Variants in ACVR1C observed in about 807,000 individuals in gnomAD.
ACVR1C encodes the protein activin A receptor type 1C.
A neutral mutation model predicts 57.9 loss-of-function variants in ACVR1C; 23 were observed. That is an observed-to-expected ratio of 0.40 (90% CI 0.29 to 0.56). ACVR1C has a LOEUF of 0.56. ACVR1C is among the 20% of genes least tolerant of loss of function. The pLI, the probability that ACVR1C is intolerant of heterozygous loss-of-function variation, is 0.50. For synonymous variants in ACVR1C, 214 were observed against 215.3 expected, an observed-to-expected ratio of 0.99 and a Z score of 0.05; for missense variants, 480 against 607.9, an observed-to-expected ratio of 0.79 and a Z score of 2.21.
chr2:157,616,508 G>A (rs1160424266), intron 1 of ACVR1C, among the ~76,000 whole-genome samples: 1 of 151,854 alleles, frequency 6.6e-6, no homozygotes, highest in African/African-American at 2.4e-5. Context: ...TAAATTCCTT[G>A]CCTAATAGCT....
rs1321628348 is a variant in ACVR1C at position 157,554,310 on chromosome 2, GAAAAGA to G, written c.544+1777_544+1782del. 2.0e-4 allele frequency among the ~76,000 whole-genome samples: 21 copies of G among 105,368 alleles called. No individual in the cohort carries two copies. The South Asian group carries it at 4.8e-3, about 24-fold the overall frequency. The allele number at this position is 105,368 out of a possible 152,430, so 69.1% of individuals were successfully genotyped here. On this transcript the variant is annotated intron_variant, in intron 3 of 8. Coordinates refer to ENST00000243349, the MANE Select transcript of ACVR1C (RefSeq NM_145259.3). ...GAGAGAGAGAGAGAAAGAAAGAAAGGAAAAGAAAAAGAAAAAGAAAGAGAAAGAGAG... is the reference window on the plus strand; with the variant it reads ...GAGAGAGAGAGAGAAAGAAAGAAAGGAAAAGAAAAAGAAAGAGAAAGAGAG...
At chr2:157,628,529 G>C (rs1384333641) in intron 1 of ACVR1C, 43 bp downstream of exon 1, 1 of 1,587,600 alleles carries the variant, frequency 6.3e-7, no homozygotes. Context: ...CCTCCTCCCA[G>C]CTCCCACCCT....
intron 2 of ACVR1C, among the ~76,000 whole-genome samples, chr2:157,573,854 A>C (rs1280200235): frequency 6.6e-6 from 1 of 152,226 alleles, no homozygotes; most frequent in Non-Finnish European, 1.5e-5. Flanking sequence ...TCCTTCACAT[A>C]GGAAAAAAAT....
rs183402275 is a variant in ACVR1C, at chr2:157,528,071, T to C, written c.*5847A>G. The C allele has an allele frequency of 6.6e-6, 1 of 152,228 alleles. No homozygotes were observed. Among genetic ancestry groups the C allele is most frequent in the Non-Finnish European group, 1.5e-5 (1 of 68,038 alleles). 9.4% of individuals were successfully genotyped at this position (152,228 alleles called of 1,614,324 possible). On this transcript the variant is annotated 3_prime_UTR_variant, in exon 9 of 9. Coordinates refer to ENST00000243349, the MANE Select transcript of ACVR1C (RefSeq NM_145259.3). ...TGTAGATGTCAAGAATTATTTTGAC[T>C]TTTTAATTCTCATTTTCTGAAGATG...
At chr2:157,557,049 G>T (rs2105226178) in intron 2 of ACVR1C, among the ~76,000 whole-genome samples, 1 of 152,184 alleles carries the variant, frequency 6.6e-6, no homozygotes, top group East Asian at 1.9e-4. Context: ...TGCTATTCCA[G>T]GTACTGGAGA....
At chr2:157,613,529 A>G (rs1003016200) in intron 1 of ACVR1C, among the ~76,000 whole-genome samples, 1 of 152,188 alleles carries the variant, frequency 6.6e-6, no homozygotes, top group Non-Finnish European at 1.5e-5. Flanking sequence ...GGCCAACTGT[A>G]TAGGATTCCA....
rs1242538496 is a variant in ACVR1C at position 157,583,059 on chromosome 2, C to T, written c.304+4128G>A. On this transcript the variant is annotated intron_variant, in intron 2 of 8. Transcript: ENST00000243349. ...AATTTTTAGTAGAAATGGGGTTTCA[C>T]CATGTTGGCCAGGCTGGTCTCATAC... Among the ~76,000 whole-genome samples the T allele has an allele frequency of 4.6e-5, 7 of 152,046 alleles. 1 individual carries two copies. In the Middle Eastern group the frequency reaches 0.01, roughly 222 times the overall value.
At chr2:157,555,812 A>G (rs1429566342) in intron 3 of ACVR1C, among the ~76,000 whole-genome samples, 1 of 152,204 alleles carries the variant, frequency 6.6e-6, no homozygotes, top group Non-Finnish European at 1.5e-5. Flanking sequence ...GGAGGAGAGA[A>G]GGGAAATTGC....
chr2:157,623,645 G>A (rs1006100390), intron 1 of ACVR1C, among the ~76,000 whole-genome samples: 1 of 152,016 alleles, frequency 6.6e-6, no homozygotes, highest in African/African-American at 2.4e-5. Context: ...TGGTTAATGG[G>A]TACAAAAATA....
intron 3 of ACVR1C, among the ~76,000 whole-genome samples, chr2:157,554,268 A>AAAGAAAGGAAGGAAGGAAGG (rs1261113225): frequency 8.8e-6 from 1 of 113,562 alleles, no homozygotes; most frequent in African/African-American, 5.2e-5. Flanking sequence ...AGAAAGAAAG[A>AAAGAAAGGAAGGAAGGAAGG]AAGGAAGGAA....
chr2:157,579,881 C>G lies in ACVR1C; in HGVS notation c.304+7306G>C, dbSNP rs138271712. On this transcript the variant is annotated intron_variant, in intron 2 of 8. Coordinates refer to ENST00000243349, the MANE Select transcript of ACVR1C (RefSeq NM_145259.3). ...ATACATTTTTTTAACTTTTGCCCAT[C>G]TAATAGGTGGGAAAAATGGAATACC... Among the ~76,000 whole-genome samples, 34 of 152,204 alleles carry G rather than the reference C, an allele frequency of 2.2e-4. 1 individual carries two copies. Among genetic ancestry groups the G allele is most frequent in the African/African-American group, 7.0e-4 (29 of 41,540 alleles).
chr2:157,557,620 A>C (rs1234495542), intron 2 of ACVR1C, among the ~76,000 whole-genome samples: 3 of 152,214 alleles, frequency 2.0e-5, no homozygotes, highest in African/African-American at 7.2e-5. Flanking sequence ...ATGATGCCTG[A>C]CACATAGTAG....
chr2:157,569,608 T>C (rs1688475917), intron 2 of ACVR1C, among the ~76,000 whole-genome samples: 1 of 35,204 alleles, frequency 2.8e-5, no homozygotes, highest in African/African-American at 1.4e-4. Context: ...AACTAGAAAA[T>C]CTAGAAGAAA....
Position 157,628,565 on chromosome 2 carries a change from A to T in ACVR1C, c.73+7T>A. The T allele has an allele frequency of 2.5e-6, 4 of 1,607,094 alleles. No homozygotes were observed. Among genetic ancestry groups the T allele is most frequent in the Non-Finnish European group, 2.5e-6 (3 of 1,177,358 alleles). ...CGCGGGCGTCGGGAGAGAAACCAGC[A>T]CCGTACCTGGCGAGAGCTCGGCGGC... is the stretch of plus-strand genomic sequence containing the variant. On this transcript the variant is annotated splice_region_variant and intron_variant, in intron 1 of 8. Transcript: ENST00000243349.
rs964926085 is a variant in ACVR1C, at chr2:157,529,758, A to G, written c.*4160T>C. On this transcript the variant is annotated 3_prime_UTR_variant, in exon 9 of 9. Coordinates refer to ENST00000243349, the MANE Select transcript of ACVR1C (RefSeq NM_145259.3). ...TGTTGAAAGATAGTGAGGGAATATT[A>G]AGAAAAAAAGTGAGAAAAATAATGA... 1 of 152,110 alleles carries G rather than the reference A, an allele frequency of 6.6e-6. No homozygotes were observed. The highest frequency in any genetic ancestry group is 1.5e-5 in the Non-Finnish European group (1 of 67,986). 9.4% of individuals were successfully genotyped at this position (152,110 alleles called of 1,614,324 possible).
chr2:157,592,570 G>A (rs1257108016), intron 1 of ACVR1C, among the ~76,000 whole-genome samples: 1 of 151,894 alleles, frequency 6.6e-6, no homozygotes, highest in South Asian at 2.1e-4. Flanking sequence ...GACTGACAGC[G>A]AACAAACAGC....
intron 2 of ACVR1C, among the ~76,000 whole-genome samples, chr2:157,563,353 A>G (rs1688287705): frequency 6.6e-6 from 1 of 152,114 alleles, no homozygotes; most frequent in African/African-American, 2.4e-5. Context: ...AATTAAGAAT[A>G]CACTCCTATT....
intron 8 of ACVR1C, among the ~76,000 whole-genome samples, chr2:157,534,977 G>A (rs969474432): frequency 5.3e-5 from 8 of 151,858 alleles, no homozygotes; most frequent in African/African-American, 1.9e-4. Context: ...GTAACACAGG[G>A]AGACCCTGTC....
At chr2:157,619,799 G>T (rs1682726263) in intron 1 of ACVR1C, among the ~76,000 whole-genome samples, 1 of 151,900 alleles carries the variant, frequency 6.6e-6, no homozygotes, top group African/African-American at 2.4e-5. Context: ...AAAACCAAAA[G>T]CTATTTATTT....
Sources: allele counts gnomAD v4.1 joint callset (sites outside exome capture counted in the v4.1 genomes callset), GRCh38; gene constraint gnomAD v4.1.1; transcripts MANE v1.5; gene names NCBI Gene and HGNC (gene_info 2026-07-23, HGNC 2026-07-21).